COTL1: variants seen among roughly 807,000 people sequenced by gnomAD.
COTL1 encodes coactosin-like protein.
Under a neutral mutation model 16.5 loss-of-function variants are expected in COTL1, and 15 were observed. The observed-to-expected ratio is 0.91, with a 90% CI of 0.61 to 1.40. The LOEUF is 1.40. Among genes scored for constraint, COTL1 ranks in the 40% most tolerant of loss-of-function variants. The pLI, the probability that COTL1 is intolerant of heterozygous loss-of-function variation, is 0.00. For synonymous variants in COTL1, 112 were observed against 85.3 expected (o/e 1.31, Z -1.73); for missense variants, 220 against 201.5 (o/e 1.09, Z -0.56).
intron 3 of COTL1, among the ~76,000 whole-genome samples, chr16:84,581,026 C>T (rs1044698999): frequency 2.6e-5 from 4 of 152,136 alleles, no homozygotes; most frequent in Admixed American, 2.6e-4. Flanking sequence ...CCTGTGGTCC[C>T]AGCTACTTGA....
At position 84,566,732 on chromosome 16, in the gene COTL1, A is replaced by G. The variant is rs1405973939; in HGVS notation, c.*113T>C. ...CACAGGGTGGCGGGCGCTGCCTCTC[A>G]TGGCTTCTTTTCTCCCTGGTGGGCT... On this transcript the variant is annotated 3_prime_UTR_variant, in exon 4 of 4. Coordinates refer to ENST00000262428, the MANE Select transcript of COTL1 (RefSeq NM_021149.5). 4.3e-6 allele frequency: 3 copies of G among 697,020 alleles called. No homozygotes were observed. Among genetic ancestry groups the G allele is most frequent in the Non-Finnish European group, 7.5e-6 (3 of 400,754 alleles). The allele number at this position is 697,020 out of a possible 1,614,324, so 43.2% of individuals were successfully genotyped here. A position where few individuals can be genotyped will look rare whatever the true frequency, so the allele number is the denominator to read the frequency against.
rs191980494 is a variant in COTL1, at chr16:84,600,197, T to C, written c.161-9935A>G. Among the ~76,000 whole-genome samples the C allele has an allele frequency of 2.0e-5, 3 of 152,278 alleles. No individual in the cohort carries two copies. The East Asian group carries it at 5.8e-4, about 29-fold the overall frequency. ...CAAAACCAAACCAAAAACACCCTCC[T>C]GTCCTGCTCAAAAAACTTTGCAAAA... On this transcript the variant is annotated intron_variant, in intron 2 of 3. Transcript: ENST00000262428.
intron 2 of COTL1, among the ~76,000 whole-genome samples, chr16:84,613,006 C>CTTTTTT (rs71151230): frequency 7.3e-6 from 1 of 137,252 alleles, no homozygotes; most frequent in African/African-American, 2.7e-5. Context: ...TTCTTTCTTT[C>CTTTTTT]TTTTTTTTTT....
chr16:84,579,068 C>A (rs550147024), intron 3 of COTL1, among the ~76,000 whole-genome samples: 1 of 151,366 alleles, frequency 6.6e-6, no homozygotes. Flanking sequence ...TACACACAGG[C>A]ACACACACAT....
At chr16:84,575,234 C>G (rs1904426310) in intron 3 of COTL1, 1 of 152,212 alleles carries the variant, frequency 6.6e-6, no homozygotes, top group East Asian at 1.9e-4. Context: ...GACGGGGTTT[C>G]ACCATGTTGG....
At chr16:84,571,272 G>A (rs1187039865) in intron 3 of COTL1, among the ~76,000 whole-genome samples, 2 of 152,166 alleles carry the variant, frequency 1.3e-5, no homozygotes, top group Non-Finnish European at 2.9e-5. Flanking sequence ...GCCCACGCCA[G>A]TGCAAAGCCG....
intron 3 of COTL1, among the ~76,000 whole-genome samples, chr16:84,574,055 C>T (rs1240548349): frequency 6.6e-6 from 1 of 152,074 alleles, no homozygotes; most frequent in East Asian, 1.9e-4. Context: ...GTTGTCCCAG[C>T]TACTTGGGAG....
chr16:84,603,500 G>A (rs898207269), intron 2 of COTL1, among the ~76,000 whole-genome samples: 6 of 152,158 alleles, frequency 3.9e-5, no homozygotes, highest in Non-Finnish European at 1.5e-5. Flanking sequence ...TCTCCTCATC[G>A]GTGACACAGC....
intron 3 of COTL1, among the ~76,000 whole-genome samples, chr16:84,585,769 G>A (rs1159069194): frequency 7.9e-5 from 12 of 152,186 alleles, no homozygotes; most frequent in Admixed American, 3.3e-4. Flanking sequence ...GGCTATATTT[G>A]CAACTGCAGT....
chr16:84,611,077 T>A (rs1905313336), intron 2 of COTL1, among the ~76,000 whole-genome samples: 1 of 152,242 alleles, frequency 6.6e-6, no homozygotes, highest in African/African-American at 2.4e-5. Flanking sequence ...GCAACCTACA[T>A]GCAATCATTA....
chr16:84,584,529 G>A (rs930897125), intron 3 of COTL1, among the ~76,000 whole-genome samples: 8 of 152,178 alleles, frequency 5.3e-5, no homozygotes, highest in Admixed American at 1.3e-4. Flanking sequence ...GCTTTTTGAG[G>A]TCAGCGCTGG....
At chr16:84,614,321 A>G (rs1289739511) in intron 2 of COTL1, among the ~76,000 whole-genome samples, 1 of 152,192 alleles carries the variant, frequency 6.6e-6, no homozygotes, top group Admixed American at 6.5e-5. Flanking sequence ...GACCCAGAGC[A>G]GGCAGAAAGA....
chr16:84,605,967 G>A (rs1267446589), intron 2 of COTL1, among the ~76,000 whole-genome samples: 2 of 152,220 alleles, frequency 1.3e-5, no homozygotes, highest in Non-Finnish European at 2.9e-5. Context: ...TCGCAAGGAA[G>A]CTTACCTAAG....
intron 2 of COTL1, among the ~76,000 whole-genome samples, chr16:84,613,725 A>G (rs1905393985): frequency 6.6e-6 from 1 of 152,212 alleles, no homozygotes; most frequent in Non-Finnish European, 1.5e-5. Context: ...AGGAAAGCAG[A>G]GATGTTAAGG....
chr16:84,600,912 TC>T (rs1905094658), intron 2 of COTL1, among the ~76,000 whole-genome samples: 1 of 152,166 alleles, frequency 6.6e-6, no homozygotes, highest in Admixed American at 6.5e-5. Flanking sequence ...CTAAAGGTTT[TC>T]CCCCTATGAC....
intron 3 of COTL1, among the ~76,000 whole-genome samples, chr16:84,585,984 T>C (rs1403339463): frequency 6.6e-6 from 1 of 152,124 alleles, no homozygotes; most frequent in African/African-American, 2.4e-5. Context: ...GAGCTGCCAA[T>C]CATGAAACCC....
intron 2 of COTL1, among the ~76,000 whole-genome samples, chr16:84,613,238 G>A (rs897495118): frequency 6.6e-6 from 1 of 152,104 alleles, no homozygotes; most frequent in African/African-American, 2.4e-5. Flanking sequence ...GACCTCAAGT[G>A]ATCCACCTGC....
intron 2 of COTL1, among the ~76,000 whole-genome samples, chr16:84,600,925 A>G (rs1292466989): frequency 6.6e-6 from 1 of 152,126 alleles, no homozygotes; most frequent in Admixed American, 6.5e-5. Context: ...CCCTATGACA[A>G]AGCACTAGCA....
At chr16:84,614,028 T>C (rs1167574681) in intron 2 of COTL1, among the ~76,000 whole-genome samples, 16 of 151,874 alleles carry the variant, frequency 1.1e-4, no homozygotes, top group Admixed American at 1.0e-3. Context: ...CCCGCAAGAA[T>C]GGAGGTGAAG....
Sources: allele counts gnomAD v4.1 joint callset (sites outside exome capture counted in the v4.1 genomes callset), GRCh38; gene constraint gnomAD v4.1.1; transcripts MANE v1.5; gene names NCBI Gene and HGNC (gene_info 2026-07-23, HGNC 2026-07-21).